The following PLAAT4 variants were observed in gnomAD, a reference collection of about 807,000 sequenced individuals.
PLAAT4 encodes phospholipase A and acyltransferase 4.
PLAAT4 carries 12 observed loss-of-function variants against 14.1 expected under a neutral mutation model. The observed-to-expected ratio is 0.85, with a 90% confidence interval of 0.54 to 1.37. The LOEUF is 1.37. Ranked by LOEUF, PLAAT4 falls within the 40% of genes most tolerant of loss-of-function variation. PLAAT4 has a pLI of 0.00. For missense variants in PLAAT4, 163 were observed against 211.7 expected, an observed-to-expected ratio of 0.77 and a Z score of 1.43; for synonymous variants, 77 against 79.8, an observed-to-expected ratio of 0.96 and a Z score of 0.19.
chr11:63,545,086 G>A, intron 3 of PLAAT4, 197 bp downstream of exon 3: 1 of 711,770 alleles, frequency 1.4e-6, no homozygotes, highest in Non-Finnish European at 2.4e-6. Flanking sequence ...TTCCCCCCAG[G>A]CCTCTCCATG....
chr11:63,544,482 T>TAAA, intron 2 of PLAAT4, 139 bp from the exon 3 acceptor site: 1 of 880,608 alleles, frequency 1.1e-6, no homozygotes, highest in Non-Finnish European at 1.6e-6. Context: ...TCCATCAAAA[T>TAAA]AAAAAAAAAA....
chr11:63,538,610 T>C (rs887389957), intron 1 of PLAAT4, among the ~76,000 whole-genome samples: 15 of 151,148 alleles, frequency 9.9e-5, no homozygotes, highest in African/African-American at 3.7e-4. Context: ...AGGGTGAAAA[T>C]GGAAAAATCC....
At chr11:63,544,509 C>A in intron 2 of PLAAT4, 112 bp from the exon 3 acceptor site, 1 of 1,331,656 alleles carries the variant, frequency 7.5e-7, no homozygotes, top group Non-Finnish European at 1.0e-6. Flanking sequence ...ATCTGTGAAT[C>A]CTTCAATCAC....
In PLAAT4 at chr11:63,536,876, C is replaced by T. The variant is rs750275702; in HGVS notation, c.8C>T (p.Ser3Leu). 4.3e-5 allele frequency: 69 copies of T among 1,612,496 alleles called. No individual in the cohort carries two copies. Among genetic ancestry groups the T allele is most frequent in the Non-Finnish European group, 5.3e-5 (63 of 1,179,292 alleles). Residue 3 changes from serine to leucine, a missense_variant and splice_region_variant, in exon 1 of 4, where the codon TCG (serine) becomes TTG (leucine). Physicochemically the swap from Ser to Leu is moderately radical, Grantham distance 145. Transcript: ENST00000255688. ...CCTCCTCTTGGCTTCGAGATGGCTT[C>T]GGTAAGTTTCCCAGGGCTTTGCATT... MA[S>L]PHQEPKPGDL... is the part of the protein sequence containing the mutation.
intron 1 of PLAAT4, among the ~76,000 whole-genome samples, chr11:63,537,823 G>C (rs1201216481): frequency 6.6e-6 from 1 of 152,168 alleles, no homozygotes; most frequent in African/African-American, 2.4e-5. Flanking sequence ...TTCTACGCCA[G>C]GCCCTTCACT....
chr11:63,542,076 T>G (rs564375524), intron 2 of PLAAT4, among the ~76,000 whole-genome samples: 3 of 152,160 alleles, frequency 2.0e-5, no homozygotes, highest in Non-Finnish European at 4.4e-5. Context: ...CCTGACTCCT[T>G]TTAAGGACCA....
chr11:63,544,639 G>A lies in PLAAT4; in HGVS notation c.137G>A (p.Gly46Asp). The change falls in exon 3 of 4, where the codon GGC becomes GAC. Residue 46 changes from glycine (G) to aspartate (D), a missense_variant. Physicochemically the swap from Gly to Asp is moderately conservative, Grantham distance 94 (BLOSUM62 -1). Coordinates refer to ENST00000255688, the MANE Select transcript of PLAAT4 (RefSeq NM_004585.5). ...LAPPSEYPGA[G>D]SSSVFSVLSN... is the part of the protein sequence containing the mutation. ...ATTGCAGGTGAGTACCCCGGGGCTG[G>A]CTCCTCCAGTGTCTTCTCAGTCCTG... The A allele has an allele frequency of 1.2e-6, 2 of 1,612,884 alleles. No homozygotes were observed. The highest frequency in any genetic ancestry group is 1.7e-6 in the Non-Finnish European group (2 of 1,178,940).
chr11:63,539,515 GCCACACCAAGAGCCCAAA>G lies in PLAAT4; in HGVS notation c.12_29del (p.His5_Pro10del), dbSNP rs754423520. The G allele has an allele frequency of 6.2e-7, 1 of 1,613,482 alleles. No individual in the cohort carries two copies. Among genetic ancestry groups the G allele is most frequent in the Non-Finnish European group, 8.5e-7 (1 of 1,179,496 alleles). On this transcript the variant is annotated inframe_deletion and splice_region_variant, in exon 2 of 4. Coordinates refer to ENST00000255688, the MANE Select transcript of PLAAT4 (RefSeq NM_004585.5). ...CTCCATCTCTGGCTTTTCTGTTGCA[GCCACACCAAGAGCCCAAA>G]CCTGGAGACCTGATTGAGATTTTCC...
chr11:63,545,391 C>T (rs1001797099), intron 3 of PLAAT4: 6 of 197,834 alleles, frequency 3.0e-5, no homozygotes, highest in South Asian at 1.2e-4. Context: ...GTGGCAGAAC[C>T]GGGATTTGAA....
intron 3 of PLAAT4, among the ~76,000 whole-genome samples, chr11:63,545,615 T>C (rs2017358364): frequency 6.6e-6 from 1 of 152,076 alleles, no homozygotes; most frequent in South Asian, 2.1e-4. Context: ...TAGGCTGAAG[T>C]ACAGCTGGAG....
intron 2 of PLAAT4, among the ~76,000 whole-genome samples, chr11:63,543,468 G>C (rs2017337624): frequency 6.6e-6 from 1 of 152,210 alleles, no homozygotes; most frequent in African/African-American, 2.4e-5. Flanking sequence ...ACCACGCGCA[G>C]CTAATTTTTG....
At chr11:63,540,906 T>C (rs1380551581) in intron 2 of PLAAT4, among the ~76,000 whole-genome samples, 1 of 152,198 alleles carries the variant, frequency 6.6e-6, no homozygotes, top group Non-Finnish European at 1.5e-5. Context: ...CAAGTTCATA[T>C]CCTCTAGGGC....
At chr11:63,539,337 C>T (rs564985018) in intron 1 of PLAAT4, among the ~76,000 whole-genome samples, 179 bp from the exon 2 acceptor site, 1 of 152,186 alleles carries the variant, frequency 6.6e-6, no homozygotes, top group Non-Finnish European at 1.5e-5. Flanking sequence ...AGGCTTCCAG[C>T]CCCCAGTGCC....
At chr11:63,543,498 T>G (rs2134358989) in intron 2 of PLAAT4, among the ~76,000 whole-genome samples, 1 of 152,314 alleles carries the variant, frequency 6.6e-6, no homozygotes, top group East Asian at 1.9e-4. Context: ...TAGAGACAGG[T>G]CTCGCCATGT....
intron 3 of PLAAT4, 85 bp downstream of exon 3, chr11:63,544,974 T>G: frequency 6.3e-7 from 1 of 1,584,610 alleles, no homozygotes; most frequent in Non-Finnish European, 8.7e-7. Context: ...CTGTGAATGA[T>G]GCAAATGCAG....
rs1356991831 is a variant in PLAAT4 at position 63,544,827 on chromosome 11, G to T, written c.325G>T (p.Val109Leu). The T allele has an allele frequency of 6.2e-7, 1 of 1,614,220 alleles. No homozygotes were observed. Among genetic ancestry groups the T allele is most frequent in the South Asian group, 1.1e-5 (1 of 91,088 alleles). The part of the protein sequence containing the change: ...MVGQKMKYSI[V>L]SRNCEHFVTQ... ...TGGTCAGAAGATGAAGTACAGTATT[G>T]TGAGCAGGAACTGTGAGCACTTTGT... The change falls in exon 3 of 4, where the codon GTG becomes TTG. Residue 109 changes from valine to leucine, a missense_variant. Physicochemically the swap from Val to Leu is conservative, Grantham distance 32. Coordinates refer to ENST00000255688, the MANE Select transcript of PLAAT4 (RefSeq NM_004585.5).
At chr11:63,538,873 G>T (rs2017295112) in intron 1 of PLAAT4, among the ~76,000 whole-genome samples, 2 of 152,204 alleles carry the variant, frequency 1.3e-5, no homozygotes, top group African/African-American at 4.8e-5. Flanking sequence ...TGTAGGACAA[G>T]TTCCCACAGA....
intron 3 of PLAAT4, 84 bp from the exon 4 acceptor site, chr11:63,546,065 G>A (rs761991323): frequency 2.0e-5 from 21 of 1,064,834 alleles, no homozygotes; most frequent in Admixed American, 8.5e-5. Flanking sequence ...GAGGGGAGAG[G>A]GAGAGGAGTT....
chr11:63,539,003 G>GATGGGTGTCATCTCCAAGAT (rs2017298365), intron 1 of PLAAT4, among the ~76,000 whole-genome samples: 1 of 152,164 alleles, frequency 6.6e-6, no homozygotes, highest in African/African-American at 2.4e-5. Flanking sequence ...ATCTCCAAGA[G>GATGGGTGTCATCTCCAAGAT]ATAGGTGTCC....
Sources: allele counts gnomAD v4.1 joint callset (sites outside exome capture counted in the v4.1 genomes callset), GRCh38; gene constraint gnomAD v4.1.1; transcripts MANE v1.5; gene names NCBI Gene and HGNC (gene_info 2026-07-23, HGNC 2026-07-21).